Variants in THTPA observed in about 807,000 individuals in gnomAD.
The protein encoded by THTPA is thiamine triphosphatase.
Under a neutral mutation model 16.5 loss-of-function variants are expected in THTPA, and 16 were observed. The ratio of observed to expected loss-of-function variants is 0.97; its 90% CI spans 0.66 to 1.47. THTPA has a LOEUF of 1.47. Ranked by LOEUF, THTPA falls within the 40% of genes most tolerant of loss-of-function variation. The pLI is 0.00. For synonymous variants in THTPA, 110 were observed against 115.5 expected, an observed-to-expected ratio of 0.95 and a Z score of 0.30; for missense variants, 281 against 280.9, an observed-to-expected ratio of 1.00 and a Z score of 0.00.
the THTPA span, chr14:23,525,663 G>A: frequency 6.5e-7 from 1 of 1,535,258 alleles, no homozygotes; most frequent in Non-Finnish European, 8.7e-7. The surrounding 1 kb of genome is among the most constrained non-coding windows in gnomAD (Gnocchi z 5.9). Flanking sequence ...GGGTCGGGGG[G>A]TGAGGAAGGC....
chr14:23,555,294 G>A (rs1244480074), upstream of THTPA, among the ~76,000 whole-genome samples: 1 of 152,082 alleles, frequency 6.6e-6, no homozygotes, highest in East Asian at 1.9e-4. Context: ...CAACCGCACC[G>A]GCCTTTCTGT....
the THTPA span, chr14:23,522,989 T>C: frequency 7.0e-7 from 1 of 1,424,300 alleles, no homozygotes; most frequent in Non-Finnish European, 9.1e-7. Context: ...TCCTGTCCCA[T>C]CATTCTTCCT....
the THTPA span, among the ~76,000 whole-genome samples, chr14:23,540,285 C>T: frequency 3.3e-5 from 5 of 152,240 alleles, no homozygotes; most frequent in Non-Finnish European, 7.3e-5. Flanking sequence ...GCCACCAAGC[C>T]CAACCTTCCT....
chr14:23,511,860 G>A, the THTPA span: 1 of 152,120 alleles, frequency 6.6e-6, no homozygotes, highest in African/African-American at 2.4e-5. Flanking sequence ...GTCTTAATTT[G>A]GGTAAGAAGG....
the THTPA span, chr14:23,534,549 A>G: frequency 7.2e-6 from 11 of 1,536,024 alleles, no homozygotes; most frequent in Non-Finnish European, 9.6e-6. This position sits in a 1 kb window ranked among gnomAD's most constrained non-coding sequence, Gnocchi z 4.5. Flanking sequence ...GCTTCACCCC[A>G]TGAGACTGTG....
chr14:23,527,606 C>T, the THTPA span: 2 of 1,536,718 alleles, frequency 1.3e-6, no homozygotes, highest in Non-Finnish European at 1.7e-6. Context: ...GTACTCACTA[C>T]AAGCAGCAGC....
At chr14:23,514,999 C>T in the THTPA span, among the ~76,000 whole-genome samples, 109 of 152,240 alleles carry the variant, frequency 7.2e-4, 1 homozygote, top group East Asian at 0.02. Flanking sequence ...GAAACAAGCA[C>T]AGAGGGACAG....
Position 23,559,917 on chromosome 14 carries a change from G to T in THTPA, c.*1077G>T. On this transcript the variant is annotated 3_prime_UTR_variant, in exon 2 of 2. Coordinates refer to ENST00000288014, the MANE Select transcript of THTPA (RefSeq NM_024328.6). ...TTCTTCTATCCCTGGGTCTTGTCTT[G>T]GGGGAACTCCTGAAGCTCACCTTGT... 1 of 1,611,250 alleles carries T rather than the reference G, an allele frequency of 6.2e-7. No individual in the cohort carries two copies. Among genetic ancestry groups the T allele is most frequent in the South Asian group, 1.1e-5 (1 of 90,872 alleles).
chr14:23,525,307 A>G, the THTPA span: 3 of 1,535,860 alleles, frequency 2.0e-6, no homozygotes, highest in Non-Finnish European at 2.6e-6. This position sits in a 1 kb window ranked among gnomAD's most constrained non-coding sequence, Gnocchi z 5.9. Flanking sequence ...CCAGATGGGG[A>G]ACAGGTGAAT....
chr14:23,523,531 ACTGCTGCCCCCAGTGCTCCCAG>A, the THTPA span: 3 of 1,536,472 alleles, frequency 2.0e-6, no homozygotes, highest in Non-Finnish European at 2.6e-6. The surrounding 1 kb of genome is among the most constrained non-coding windows in gnomAD (Gnocchi z 4.1). Flanking sequence ...AGAGGCCCTC[ACTGCTGCCCCCAGTGCTCCCAG>A]CGGCTGTCCC....
the THTPA span, chr14:23,531,856 A>G: frequency 4.3e-6 from 5 of 1,153,144 alleles, no homozygotes; most frequent in Non-Finnish European, 5.5e-6. Flanking sequence ...CTACTCACTG[A>G]AGCCTCTACC....
chr14:23,559,885 C>G lies in THTPA; in HGVS notation c.*1045C>G. On this transcript the variant is annotated 3_prime_UTR_variant, in exon 2 of 2. Transcript: ENST00000288014. ...GGAGAGCAGGGACCAGGGTTAGCACCCACGGCTTCTTCTATCCCTGGGTCT... is the reference window on the plus strand; with the variant it reads ...GGAGAGCAGGGACCAGGGTTAGCACGCACGGCTTCTTCTATCCCTGGGTCT... 1 of 1,612,420 alleles carries G rather than the reference C, an allele frequency of 6.2e-7. No homozygotes were observed. The highest frequency in any genetic ancestry group is 8.5e-7 in the Non-Finnish European group (1 of 1,178,804).
chr14:23,530,643 G>T, the THTPA span: 1 of 349,420 alleles, frequency 2.9e-6, no homozygotes, highest in Non-Finnish European at 5.6e-6. Flanking sequence ...AGTAAGAATT[G>T]ACAGATGTGT....
Position 23,559,584 on chromosome 14 carries a change from C to A in THTPA, c.*744C>A. 1 of 633,962 alleles carries A rather than the reference C, an allele frequency of 1.6e-6. No individual in the cohort carries two copies. Among genetic ancestry groups the A allele is most frequent in the Non-Finnish European group, 2.8e-6 (1 of 355,110 alleles). 39.3% of individuals were successfully genotyped at this position (633,962 alleles called of 1,614,324 possible). A position where few individuals can be genotyped will look rare whatever the true frequency, so the allele number is the denominator to read the frequency against. ...CCCAAATATGGCTTTCCTCACTTCT[C>A]AGGCTTTATTGGGCTTTATTTGTGG... On this transcript the variant is annotated 3_prime_UTR_variant, in exon 2 of 2. Coordinates refer to ENST00000288014, the MANE Select transcript of THTPA (RefSeq NM_024328.6).
chr14:23,530,245 G>A, the THTPA span: 8 of 1,370,156 alleles, frequency 5.8e-6, no homozygotes, highest in Non-Finnish European at 8.0e-6. Flanking sequence ...CATCAGGGAA[G>A]GGAGGACATA....
chr14:23,556,584 T>A lies in THTPA; in HGVS notation c.-174T>A, dbSNP rs1882396979. On this transcript the variant is annotated 5_prime_UTR_variant, in exon 1 of 2. Coordinates refer to ENST00000288014, the MANE Select transcript of THTPA (RefSeq NM_024328.6). ...AAATATCACCGACGGGGCCTTAATG[T>A]CACCGAGGTAGAGAGAAAAGGGCAG... 1.2e-5 allele frequency: 8 copies of A among 674,594 alleles called. No individual in the cohort carries two copies. Among genetic ancestry groups the A allele is most frequent in the South Asian group, 8.2e-5 (4 of 48,972 alleles). 41.8% of individuals were successfully genotyped at this position (674,594 alleles called of 1,614,324 possible).
chr14:23,517,824 C>T, the THTPA span, among the ~76,000 whole-genome samples: 1 of 152,120 alleles, frequency 6.6e-6, no homozygotes, highest in Non-Finnish European at 1.5e-5. Context: ...GGGCCCAATG[C>T]CCATCCATTT....
At chr14:23,526,859 C>A in the THTPA span, 1 of 1,530,662 alleles carries the variant, frequency 6.5e-7, no homozygotes, top group Non-Finnish European at 8.7e-7. Context: ...GCTGCCTGGT[C>A]TCTGCTCGGT....
chr14:23,534,518 C>G, the THTPA span: 5 of 1,536,128 alleles, frequency 3.3e-6, no homozygotes, highest in Non-Finnish European at 4.4e-6. The surrounding 1 kb of genome is among the most constrained non-coding windows in gnomAD (Gnocchi z 4.5). Flanking sequence ...CCTGACAGGC[C>G]CTGATATTGG....
Sources: allele counts gnomAD v4.1 joint callset (sites outside exome capture counted in the v4.1 genomes callset), GRCh38; gene constraint gnomAD v4.1.1; non-coding constraint Gnocchi (gnomAD v3.1); transcripts MANE v1.5; gene names NCBI Gene and HGNC (gene_info 2026-07-23, HGNC 2026-07-21).